The following RET variants were observed in gnomAD, a reference collection of about 807,000 sequenced individuals.
RET encodes proto-oncogene tyrosine-protein kinase receptor Ret.
RET carries 19 observed loss-of-function variants against 118.3 expected under a neutral mutation model. That is an observed-to-expected ratio of 0.16 (90% confidence interval 0.11 to 0.24). The LOEUF is 0.24. RET is among the 10% of genes least tolerant of loss of function. The pLI, the probability that RET is intolerant of heterozygous loss-of-function variation, is 1.00. For missense variants in RET, 1,219 were observed against 1,502.1 expected, an observed-to-expected ratio of 0.81 and a Z score of 3.12; for synonymous variants, 597 against 644.1, an observed-to-expected ratio of 0.93 and a Z score of 1.11.
rs773576143 is a variant in RET at position 43,111,453 on chromosome 10, G to A, written c.1510G>A (p.Val504Met). 1 of 1,613,224 alleles carries A rather than the reference G, an allele frequency of 6.2e-7. No individual in the cohort carries two copies. The highest frequency in any genetic ancestry group is 1.1e-5 in the South Asian group (1 of 91,054). The change falls in exon 7 of 20, where the codon GTG (valine) becomes ATG (methionine). Residue 504 changes from valine (V) to methionine (M), a missense_variant. Coordinates refer to ENST00000355710, the MANE Select transcript of RET (RefSeq NM_020975.6). ...RQAQAQLLVT[V>M]EGSYVAEEAG... ...GGCCCAGGCCCAGCTGCTTGTAACA[G>A]TGGAGGGGTCATGTGAGTGCCTGCT...
chr10:43,114,928 G>A lies in RET; in HGVS notation c.2136+192G>A, dbSNP rs1838037377. 6.6e-6 allele frequency among the ~76,000 whole-genome samples: 1 copy of A among 152,168 alleles called. No individual in the cohort carries two copies. Among genetic ancestry groups the A allele is most frequent in the African/African-American group, 2.4e-5 (1 of 41,458 alleles). ...CTGTGGGGTGGGACTGTGATGAGGT[G>A]CCGTTCCCATCTAGGTGAGAGGCAG... On this transcript the variant is annotated intron_variant, in intron 11 of 19. Coordinates refer to ENST00000355710, the MANE Select transcript of RET (RefSeq NM_020975.6). This position sits in a 1 kb window ranked among gnomAD's most constrained non-coding sequence, Gnocchi z 4.6.
At chr10:43,103,091 C>G (rs1837678713) in intron 3 of RET, among the ~76,000 whole-genome samples, 1 of 152,160 alleles carries the variant, frequency 6.6e-6, no homozygotes, top group Non-Finnish European at 1.5e-5. Context: ...ACAGTGTGAC[C>G]CTCGTGTGCC....
At chr10:43,104,635 G>A (rs886814548) in intron 3 of RET, 5 of 509,474 alleles carry the variant, frequency 9.8e-6, no homozygotes, top group African/African-American at 5.9e-5. Flanking sequence ...CCAGGTGGGC[G>A]GAGGGGTGTC....
At chr10:43,082,705 C>G (rs891608755) in intron 1 of RET, among the ~76,000 whole-genome samples, 1 of 152,244 alleles carries the variant, frequency 6.6e-6, no homozygotes, top group Non-Finnish European at 1.5e-5. Flanking sequence ...ACAGTGGCCA[C>G]CAAGCTGTTT....
rs965451987 is a variant in RET, at chr10:43,109,298, C to G, written c.1263+68C>G. ...CAAGGGACATGGGGGCACAGGGAGG[C>G]AGGTGACACTGCCTCTTGGCCCAAC... On this transcript the variant is annotated intron_variant, in intron 6 of 19. Transcript: ENST00000355710. 2.0e-6 allele frequency: 3 copies of G among 1,504,820 alleles called. No individual in the cohort carries two copies. The African/African-American group carries it at 4.1e-5, about 21-fold the overall frequency. 93.2% of individuals were successfully genotyped at this position (1,504,820 alleles called of 1,614,324 possible).
At chr10:43,085,569 T>G (rs1181549250) in intron 1 of RET, among the ~76,000 whole-genome samples, 1 of 152,210 alleles carries the variant, frequency 6.6e-6, no homozygotes, top group African/African-American at 2.4e-5. Context: ...TGGATACTCC[T>G]GCATAGACAT....
intron 17 of RET, among the ~76,000 whole-genome samples, 167 bp from the exon 18 acceptor site, chr10:43,124,716 C>T (rs1366992120): frequency 6.6e-6 from 1 of 152,214 alleles, no homozygotes; most frequent in Non-Finnish European, 1.5e-5. Flanking sequence ...GGCCATGCCC[C>T]AGTCCCACGA....
chr10:43,096,845 G>A (rs1390872524), intron 1 of RET, among the ~76,000 whole-genome samples: 7 of 152,178 alleles, frequency 4.6e-5, no homozygotes, highest in African/African-American at 1.7e-4. Flanking sequence ...GACTGCCCAG[G>A]CTGCAGTCCG....
chr10:43,081,609 G>A (rs764680785), intron 1 of RET, among the ~76,000 whole-genome samples: 10 of 152,186 alleles, frequency 6.6e-5, no homozygotes, highest in African/African-American at 2.2e-4. Flanking sequence ...TGCCAGAGCC[G>A]TCTTCTGTGC....
intron 1 of RET, among the ~76,000 whole-genome samples, chr10:43,096,710 T>C (rs2505537): frequency 0.79 from 119,524 of 152,216 alleles, 47,970 homozygotes; most frequent in African/African-American, 0.95. Flanking sequence ...AGCTCTCCCC[T>C]GTGGCTGACC....
rs1837787560 is a variant in RET, at chr10:43,106,628, C to G, written c.1063+57C>G. On this transcript the variant is annotated intron_variant, in intron 5 of 19. Transcript: ENST00000355710. The surrounding 1 kb of genome is among the most constrained non-coding windows in gnomAD (Gnocchi z 5.1). ...GCCCCCAGGAAATGAGGTGCTCGCT[C>G]TTCATGGGCAAGCAGCACCCTACAC... 7 of 1,563,852 alleles carry G rather than the reference C, an allele frequency of 4.5e-6. No homozygotes were observed. The highest frequency in any genetic ancestry group is 3.4e-4 in the Middle Eastern group (2 of 5,954).
rs748769137 is a variant in RET, at chr10:43,106,044, G to C, written c.868-332G>C. ...TGTGGGGCCCAGCTTCCTCAGGGGA[G>C]AGTGGAGGTGCTCATCCTGCTCTCT... On this transcript the variant is annotated intron_variant, in intron 4 of 19. Transcript: ENST00000355710. This position sits in a 1 kb window ranked among gnomAD's most constrained non-coding sequence, Gnocchi z 5.1. Among the ~76,000 whole-genome samples, 32 of 152,144 alleles carry C rather than the reference G, an allele frequency of 2.1e-4. No individual in the cohort carries two copies. The highest frequency in any genetic ancestry group is 2.6e-4 in the Admixed American group (4 of 15,284).
chr10:43,117,664 C>G (rs982349099), intron 12 of RET, among the ~76,000 whole-genome samples: 3 of 152,188 alleles, frequency 2.0e-5, no homozygotes, highest in Admixed American at 6.5e-5. Flanking sequence ...ACCATCGGGA[C>G]GCATGTGCTG....
At chr10:43,098,902 A>T (rs1460241256) in intron 1 of RET, among the ~76,000 whole-genome samples, 1 of 152,228 alleles carries the variant, frequency 6.6e-6, no homozygotes, top group Non-Finnish European at 1.5e-5. Context: ...TCTTTTGCGT[A>T]TGTACCCAGA....
At chr10:43,104,730 G>A in intron 3 of RET, 1 of 684,084 alleles carries the variant, frequency 1.5e-6, no homozygotes, top group Non-Finnish European at 2.4e-6. Context: ...CAGGACGTAA[G>A]CACAGTCATC....
intron 10 of RET, 49 bp downstream of exon 10, chr10:43,113,724 G>A (rs2132833478): frequency 1.2e-6 from 2 of 1,609,592 alleles, no homozygotes; most frequent in Non-Finnish European, 1.7e-6. Context: ...CCCCACAGAG[G>A]TCTCAACAGC....
At chr10:43,096,692 T>C (rs998501371) in intron 1 of RET, among the ~76,000 whole-genome samples, 2 of 152,186 alleles carry the variant, frequency 1.3e-5, no homozygotes, top group Admixed American at 6.5e-5. Flanking sequence ...TGCCAGCAGC[T>C]GTTCCCCAGC....
rs756761746 is a variant in RET at position 43,106,468 on chromosome 10, C to A, written c.960C>A (p.Pro320=). The change falls in exon 5 of 20, where the codon CCC becomes CCA. Residue 320 remains proline, a synonymous_variant. Coordinates refer to ENST00000355710, the MANE Select transcript of RET (RefSeq NM_020975.6). The surrounding 1 kb of genome is among the most constrained non-coding windows in gnomAD (Gnocchi z 5.1). ...LVRRYTSTLL[P]GDTWAQQTFR... ...GGCGGTACACAAGCACGCTGCTCCC[C>A]GGGGACACCTGGGCCCAGCAGACCT... The A allele has an allele frequency of 5.6e-6, 9 of 1,613,300 alleles. No individual in the cohort carries two copies. In the Admixed American group the frequency reaches 1.5e-4, roughly 27 times the overall value.
chr10:43,108,479 G>A (rs1012524933), intron 5 of RET, among the ~76,000 whole-genome samples: 1 of 152,180 alleles, frequency 6.6e-6, no homozygotes, highest in African/African-American at 2.4e-5. Context: ...CCGGTCAGTT[G>A]TGTCCAAACT....
Sources: gnomAD v4.1 joint callset for allele counts (sites outside exome capture counted in the v4.1 genomes callset) on GRCh38, gnomAD v4.1.1 for gene constraint, Gnocchi (gnomAD v3.1) non-coding constraint, MANE v1.5 for transcripts, NCBI Gene and HGNC (gene_info 2026-07-23, HGNC 2026-07-21) for gene names.